Variants in PPEF1 observed in about 807,000 individuals in gnomAD.
PPEF1 encodes serine/threonine-protein phosphatase with EF-hands 1.
Under a neutral mutation model 53.3 loss-of-function variants are expected in PPEF1, and 12 were observed. The ratio of observed to expected loss-of-function variants is 0.23; its 90% CI spans 0.14 to 0.36. PPEF1 has a LOEUF of 0.36. PPEF1 is among the 10% of genes least tolerant of loss of function. The pLI, the probability that PPEF1 is intolerant of heterozygous loss-of-function variation, is 1.00. For synonymous variants in PPEF1, 165 were observed against 176.7 expected (o/e 0.93, Z 0.52); for missense variants, 334 against 490.4 (o/e 0.68, Z 3.01).
chrX:18,815,542 T>A (rs992328553), intron 12 of PPEF1, among the ~76,000 whole-genome samples: 3 of 112,048 alleles, frequency 2.7e-5, no homozygotes, highest in Non-Finnish European at 3.8e-5. Context: ...TTCTTCCTAG[T>A]CAGTTTTGAT....
intron 12 of PPEF1, among the ~76,000 whole-genome samples, chrX:18,812,853 C>T (rs1327171076): frequency 9.1e-6 from 1 of 110,146 alleles, no homozygotes; most frequent in African/African-American, 3.3e-5. Flanking sequence ...ACTGCACCCT[C>T]AAATTCCTGG....
At chrX:18,785,836 C>T (rs1457990388) in intron 9 of PPEF1, among the ~76,000 whole-genome samples, 1 of 111,200 alleles carries the variant, frequency 9.0e-6, no homozygotes, top group Admixed American at 9.6e-5. Flanking sequence ...GAGCTATGAT[C>T]GCACCACTGC....
chrX:18,754,047 C>T (rs2045496497), intron 4 of PPEF1, among the ~76,000 whole-genome samples: 1 of 73,727 alleles, frequency 1.4e-5, no homozygotes, highest in Admixed American at 1.4e-4. Context: ...ACACCAGGAG[C>T]GATTTAAAAA....
At chrX:18,706,816 TCC>T (rs1258948069), upstream of PPEF1, among the ~76,000 whole-genome samples, 3 of 79,246 alleles carry the variant, frequency 3.8e-5, no homozygotes, top group Non-Finnish European at 7.4e-5. Context: ...GTTTCAAACC[TCC>T]TTTTTTTTTT....
intron 11 of PPEF1, among the ~76,000 whole-genome samples, chrX:18,804,587 G>A (rs999891070): frequency 4.5e-5 from 5 of 111,630 alleles, no homozygotes; most frequent in Non-Finnish European, 7.5e-5. Flanking sequence ...GATTACAGTC[G>A]TGAGCCACCG....
chrX:18,683,509 A>G (rs1928955269), intron 1 of PPEF1, among the ~76,000 whole-genome samples: 1 of 111,721 alleles, frequency 9.0e-6, no homozygotes, highest in Non-Finnish European at 1.9e-5. Context: ...ACCCTGTACT[A>G]TTATCATAGT....
In PPEF1 at chrX:18,827,425, G is replaced by A; in HGVS notation, c.1900G>A (p.Ala634Thr). 1 of 1,210,776 alleles carries A rather than the reference G, an allele frequency of 8.3e-7. No homozygotes were observed. Among genetic ancestry groups the A allele is most frequent in the Non-Finnish European group, 1.1e-6 (1 of 894,723 alleles). Residue 634 changes from alanine (A) to threonine (T), a missense_variant, in exon 16 of 16, where the codon GCT becomes ACT. Transcript: ENST00000470157. ...GSIDFNEFLK[A>T]FYVVHRYEDL... ...CATTGACTTTAATGAGTTTTTAAAG[G>A]CTTTCTATGTAGTGCATAGATATGA...
intron 1 of PPEF1, among the ~76,000 whole-genome samples, chrX:18,714,274 T>TG (rs1214876823): frequency 6.7e-5 from 4 of 60,076 alleles, no homozygotes; most frequent in Non-Finnish European, 1.7e-4. Flanking sequence ...TTTTCGTTTT[T>TG]TTGTTTTTTT....
chrX:18,754,476 T>C (rs937696615), intron 4 of PPEF1, among the ~76,000 whole-genome samples: 1 of 111,647 alleles, frequency 9.0e-6, no homozygotes, highest in Admixed American at 9.5e-5. Context: ...GAATGAATCA[T>C]GTAATTCCTG....
intron 3 of PPEF1, among the ~76,000 whole-genome samples, chrX:18,743,321 T>C (rs2045229766): frequency 1.8e-5 from 2 of 111,821 alleles, no homozygotes; most frequent in African/African-American, 3.2e-5. Context: ...ACACTTGCAA[T>C]AGTACATTCA....
Position 18,818,035 on chromosome X carries a change from G to A in PPEF1, c.1395-4G>A, listed in dbSNP as rs763476094. On this transcript the variant is annotated splice_region_variant and splice_polypyrimidine_tract_variant and intron_variant, in intron 12 of 15. Coordinates refer to ENST00000470157, the MANE Select transcript of PPEF1 (RefSeq NM_001377996.1). Reference sequence around the variant, plus strand: ...CTTTTACCTAATTATTGTTTTCTTTGCAGAGTGGATACTATGGAAAACAGC... The same window carrying A: ...CTTTTACCTAATTATTGTTTTCTTTACAGAGTGGATACTATGGAAAACAGC... The A allele has an allele frequency of 8.7e-6, 10 of 1,143,817 alleles. No individual in the cohort carries two copies. The South Asian group carries it at 2.0e-4, about 23-fold the overall frequency. The allele number at this position is 1,143,817 out of a possible 1,213,427, so 94.3% of individuals were successfully genotyped here.
chrX:18,694,957 G>T (rs1010325046), intron 4 of PPEF1, among the ~76,000 whole-genome samples: 1 of 111,617 alleles, frequency 9.0e-6, no homozygotes, highest in African/African-American at 3.3e-5. Context: ...ATTGCTGTGG[G>T]ACAGATTACC....
rs1344467775 is a variant in PPEF1 at position 18,788,973 on chromosome X, T to C, written c.913-148T>C. ...CAGACATCAGTGGATGAGTGAGATA[T>C]AGGAGGTGGACGAGATGCAAAAAGT... On this transcript the variant is annotated intron_variant, in intron 9 of 15. Coordinates refer to ENST00000470157, the MANE Select transcript of PPEF1 (RefSeq NM_001377996.1). The C allele has an allele frequency of 7.9e-6, 5 of 629,707 alleles. No homozygotes were observed. In the East Asian group the frequency reaches 1.0e-4, roughly 13 times the overall value. The allele number at this position is 629,707 out of a possible 1,213,427, so 51.9% of individuals were successfully genotyped here.
chrX:18,790,397 G>A, intron 10 of PPEF1, among the ~76,000 whole-genome samples: 1 of 111,307 alleles, frequency 9.0e-6, no homozygotes. Flanking sequence ...CCATTCTGTG[G>A]GTTGTCTTTT....
At chrX:18,728,812 G>A (rs1398017028) in intron 1 of PPEF1, among the ~76,000 whole-genome samples, 1 of 111,519 alleles carries the variant, frequency 9.0e-6, no homozygotes, top group East Asian at 2.8e-4. Context: ...TGCTGAGACT[G>A]GGGGCTGGAC....
At position 18,782,413 on chromosome X, in the gene PPEF1, C is replaced by CTTTT; in HGVS notation, c.762+24_762+27dup. On this transcript the variant is annotated intron_variant, in intron 8 of 15. Coordinates refer to ENST00000470157, the MANE Select transcript of PPEF1 (RefSeq NM_001377996.1). ...TTGCATAAATATAAGGTAAGACATGCTTTTTTTTTTTTTTTTAGTATTCAC... is the reference window on the plus strand; with the variant it reads ...TTGCATAAATATAAGGTAAGACATGCTTTTTTTTTTTTTTTTTTTTAGTATTCAC... The CTTTT allele has an allele frequency of 1.1e-6, 1 of 939,534 alleles. No individual in the cohort carries two copies. The highest frequency in any genetic ancestry group is 1.4e-6 in the Non-Finnish European group (1 of 702,410). The allele number at this position is 939,534 out of a possible 1,213,427, so 77.4% of individuals were successfully genotyped here.
At chrX:18,759,126 C>T (rs1315917227) in intron 5 of PPEF1, among the ~76,000 whole-genome samples, 1 of 111,479 alleles carries the variant, frequency 9.0e-6, no homozygotes, top group Non-Finnish European at 1.9e-5. Context: ...CGTGACTTAA[C>T]TGGACATCTC....
At chrX:18,780,111 T>G (rs1208879066) in intron 7 of PPEF1, among the ~76,000 whole-genome samples, 2 of 112,299 alleles carry the variant, frequency 1.8e-5, no homozygotes, top group Admixed American at 9.5e-5. Context: ...CGTATTTATC[T>G]AGTGTCTATA....
chrX:18,735,498 G>A (rs1473811183), intron 3 of PPEF1, among the ~76,000 whole-genome samples: 1 of 111,652 alleles, frequency 9.0e-6, no homozygotes, highest in Non-Finnish European at 1.9e-5. Flanking sequence ...TCTCTGTTTT[G>A]GTACCAGTAC....
Sources: gnomAD v4.1 joint callset for allele counts (sites outside exome capture counted in the v4.1 genomes callset) on GRCh38, gnomAD v4.1.1 for gene constraint, MANE v1.5 for transcripts, NCBI Gene and HGNC (gene_info 2026-07-23, HGNC 2026-07-21) for gene names.